SMYD3: variants seen among roughly 807,000 people sequenced by gnomAD.
SMYD3 encodes the protein SET and MYND domain containing 3, also known as histone-lysine N-methyltransferase SMYD3.
Under a neutral mutation model 57.7 loss-of-function variants are expected in SMYD3, and 36 were observed. The observed-to-expected ratio is 0.62, with a 90% CI of 0.48 to 0.82. The LOEUF is 0.82. SMYD3 is among the 40% of genes least tolerant of loss of function. The pLI is 0.00. For missense variants in SMYD3, 515 were observed against 538.8 expected (o/e 0.96, Z 0.44); for synonymous variants, 211 against 195.0 (o/e 1.08, Z -0.68).
intron 5 of SMYD3, among the ~76,000 whole-genome samples, chr1:246,080,255 C>G (rs967575069): frequency 6.6e-6 from 1 of 151,764 alleles, no homozygotes; most frequent in African/African-American, 2.4e-5. Flanking sequence ...GCATGACCAC[C>G]GGAGCTCAGA....
chr1:246,255,985 G>GATAGATAGATAC (rs1157711278), intron 5 of SMYD3, among the ~76,000 whole-genome samples: 8 of 144,574 alleles, frequency 5.5e-5, no homozygotes, highest in African/African-American at 2.0e-4. Flanking sequence ...TAGATAGATA[G>GATAGATAGATAC]ATACACACAC....
At chr1:245,990,032 T>C (rs192047176) in intron 5 of SMYD3, among the ~76,000 whole-genome samples, 50 of 152,334 alleles carry the variant, frequency 3.3e-4, no homozygotes, top group Non-Finnish European at 6.2e-4. Flanking sequence ...GTGTTTCTTC[T>C]ACGTTTGTTG....
intron 2 of SMYD3, among the ~76,000 whole-genome samples, chr1:246,344,627 C>G (rs1297827047): frequency 6.6e-6 from 1 of 152,126 alleles, no homozygotes; most frequent in Non-Finnish European, 1.5e-5. Context: ...GTAAGTACAC[C>G]TTTAACATTA....
chr1:245,825,301 T>C (rs1184470703), intron 10 of SMYD3, among the ~76,000 whole-genome samples: 1 of 152,180 alleles, frequency 6.6e-6, no homozygotes, highest in African/African-American at 2.4e-5. Flanking sequence ...AACAAGCTCC[T>C]CTAGATGGCT....
chr1:246,424,955 C>A lies in SMYD3; in HGVS notation c.165-69861G>T, dbSNP rs574325485. Among the ~76,000 whole-genome samples the A allele has an allele frequency of 3.3e-5, 5 of 152,152 alleles. No individual in the cohort carries two copies. In the East Asian group the frequency reaches 9.6e-4, roughly 29 times the overall value. On this transcript the variant is annotated intron_variant, in intron 1 of 11. Coordinates refer to ENST00000490107, the MANE Select transcript of SMYD3 (RefSeq NM_001167740.2). ...ATAATTTCTTATATACTTTACATAG[C>A]GATAATAGTAATCAAGTACTAACTA...
intron 1 of SMYD3, among the ~76,000 whole-genome samples, chr1:246,370,999 G>C (rs371482564): frequency 6.6e-6 from 1 of 152,198 alleles, no homozygotes; most frequent in African/African-American, 2.4e-5. Context: ...AATGCTTTTT[G>C]AAGGTTGCAT....
chr1:245,793,232 C>A (rs1190728190), intron 10 of SMYD3, among the ~76,000 whole-genome samples: 1 of 151,892 alleles, frequency 6.6e-6, no homozygotes, highest in Non-Finnish European at 1.5e-5. Context: ...TCGCTTGAAC[C>A]CAGGAGACGG....
chr1:246,505,232 G>A (rs897267929), intron 1 of SMYD3, among the ~76,000 whole-genome samples: 1 of 152,120 alleles, frequency 6.6e-6, no homozygotes, highest in African/African-American at 2.4e-5. Flanking sequence ...CTATCGGTGG[G>A]AAGTAGAGTG....
intron 1 of SMYD3, among the ~76,000 whole-genome samples, chr1:246,444,886 A>G (rs1446514585): frequency 6.6e-6 from 1 of 152,236 alleles, no homozygotes; most frequent in African/African-American, 2.4e-5. Context: ...GCTTTAGGAT[A>G]CGCAAATTTG....
At chr1:245,952,785 C>T (rs559371373) in intron 5 of SMYD3, among the ~76,000 whole-genome samples, 39 of 152,288 alleles carry the variant, frequency 2.6e-4, no homozygotes, top group Non-Finnish European at 4.4e-4. Flanking sequence ...GCCTTGGCTA[C>T]GCACTCGAGC....
chr1:245,817,924 G>A (rs528121757), intron 10 of SMYD3, among the ~76,000 whole-genome samples: 28 of 152,332 alleles, frequency 1.8e-4, no homozygotes, highest in Admixed American at 1.8e-3. Context: ...CGTCTGATTG[G>A]TGTACCTGAA....
intron 5 of SMYD3, among the ~76,000 whole-genome samples, chr1:246,127,960 G>T (rs1572073377): frequency 6.6e-6 from 1 of 152,104 alleles, no homozygotes; most frequent in Admixed American, 6.6e-5. Context: ...TAGCTAAAAT[G>T]AGTGTAAACA....
intron 5 of SMYD3, among the ~76,000 whole-genome samples, chr1:246,316,781 G>A (rs916447120): frequency 1.1e-4 from 16 of 150,780 alleles, no homozygotes; most frequent in Admixed American, 6.6e-5. Flanking sequence ...GGATCACAAG[G>A]TCAAGAGATC....
intron 1 of SMYD3, among the ~76,000 whole-genome samples, chr1:246,458,026 C>T (rs2067729897): frequency 6.6e-6 from 1 of 152,164 alleles, no homozygotes. Flanking sequence ...TCTGTCTGTT[C>T]ATTTCCTGAA....
chr1:246,439,722 C>T (rs1387991484), intron 1 of SMYD3, among the ~76,000 whole-genome samples: 2 of 151,674 alleles, frequency 1.3e-5, no homozygotes, highest in South Asian at 2.1e-4. Flanking sequence ...CGGGGGTGGG[C>T]GGATTACTTG....
intron 10 of SMYD3, among the ~76,000 whole-genome samples, chr1:245,794,115 TC>T (rs1482016479): frequency 1.3e-5 from 2 of 152,254 alleles, no homozygotes; most frequent in South Asian, 2.1e-4. Context: ...TTTAGTTTCA[TC>T]TTTCAGTCTC....
At chr1:245,816,425 G>A (rs1433197799) in intron 10 of SMYD3, among the ~76,000 whole-genome samples, 5 of 147,278 alleles carry the variant, frequency 3.4e-5, no homozygotes, top group African/African-American at 1.2e-4. Context: ...TAGGACGACT[G>A]GAACAATGCA....
intron 10 of SMYD3, among the ~76,000 whole-genome samples, chr1:245,817,872 C>A (rs375009507): frequency 0.061 from 9,317 of 151,560 alleles, 549 homozygotes; most frequent in East Asian, 0.18. Flanking sequence ...AAATGAGCAA[C>A]GCCTCCAAGA....
At chr1:245,769,872 C>T (rs80058168) in intron 10 of SMYD3, among the ~76,000 whole-genome samples, 3,423 of 152,264 alleles carry the variant, frequency 0.022, 141 homozygotes, top group African/African-American at 0.078. Context: ...CCCATGGTAT[C>T]GCTGGGTTAT....
Sources: allele counts gnomAD v4.1 joint callset (sites outside exome capture counted in the v4.1 genomes callset), GRCh38; gene constraint gnomAD v4.1.1; transcripts MANE v1.5; gene names NCBI Gene and HGNC (gene_info 2026-07-23, HGNC 2026-07-21).